YJU2: variants seen among roughly 807,000 people sequenced by gnomAD.
YJU2 encodes splicing factor YJU2.
In YJU2, 28 loss-of-function variants were observed where a neutral mutation model predicts 39.6. The observed-to-expected ratio is 0.71, with a 90% CI of 0.52 to 0.97. The LOEUF is 0.97. YJU2 is among the 50% of genes least tolerant of loss of function. The pLI is 0.00. For synonymous variants in YJU2, 184 were observed against 182.4 expected, an observed-to-expected ratio of 1.01 and a Z score of -0.07; for missense variants, 328 against 430.4, an observed-to-expected ratio of 0.76 and a Z score of 2.11.
chr19:4,264,119 G>A (rs540372435), intron 6 of YJU2, among the ~76,000 whole-genome samples: 45 of 151,376 alleles, frequency 3.0e-4, no homozygotes, highest in Admixed American at 4.6e-4. Flanking sequence ...AAAATTAGCC[G>A]GGCGTGGTGG....
chr19:4,264,261 CAAAAA>C (rs748910280), intron 6 of YJU2, among the ~76,000 whole-genome samples: 83 of 43,952 alleles, frequency 1.9e-3, no homozygotes, highest in African/African-American at 5.8e-3. Context: ...GACTCTGTCT[CAAAAA>C]AAAAAAAAAA....
chr19:4,256,425 A>G (rs535088865), intron 4 of YJU2, among the ~76,000 whole-genome samples: 18 of 151,928 alleles, frequency 1.2e-4, no homozygotes, highest in Non-Finnish European at 1.9e-4. Flanking sequence ...AGGGAGGGAA[A>G]TGAGCCTTGG....
chr19:4,251,100 G>T lies in YJU2; in HGVS notation c.199G>T (p.Val67Phe). 6.2e-7 allele frequency: 1 copy of T among 1,614,192 alleles called. No individual in the cohort carries two copies. Among genetic ancestry groups the T allele is most frequent in the African/African-American group, 1.3e-5 (1 of 75,058 alleles). ...TCGGAAGGAGACGGTGCAGAACGAG[G>T]TCTACCTGGGCCTGCCCATCTTCCG... ...NARKETVQNE[V>F]YLGLPIFRFY... The change falls in exon 3 of 8, where the codon GTC becomes TTC. Residue 67 changes from valine to phenylalanine, a missense_variant. Val to Phe is a conservative substitution (Grantham distance 50). Around this residue, in one of 2 missense-constraint regions of YJU2, gnomAD observed 84 missense variants for 165.8 expected, o/e 0.51. Coordinates refer to ENST00000262962, the MANE Select transcript of YJU2 (RefSeq NM_018074.6).
intron 6 of YJU2, among the ~76,000 whole-genome samples, chr19:4,264,451 G>T (rs1386950265): frequency 6.7e-6 from 1 of 149,644 alleles, no homozygotes; most frequent in Non-Finnish European, 1.5e-5. Context: ...GGGACCACAG[G>T]CACGCACCAC....
chr19:4,248,395 A>G (rs776156931), intron 1 of YJU2: 2 of 152,212 alleles, frequency 1.3e-5, no homozygotes, highest in Non-Finnish European at 2.9e-5. Flanking sequence ...ACTCTTGGAG[A>G]CAGAGGACAG....
Position 4,249,315 on chromosome 19 carries a change from C to A in YJU2, c.112C>A (p.Pro38Thr). The change falls in exon 2 of 8, where the codon CCC becomes ACC. Residue 38 changes from proline to threonine, a missense_variant. Physicochemically the swap from Pro to Thr is conservative, Grantham distance 38. Coordinates refer to ENST00000262962, the MANE Select transcript of YJU2 (RefSeq NM_018074.6). ...DRQYVVRLMAPFNMRCKTCGE... is the reference protein window; with the variant it reads ...DRQYVVRLMATFNMRCKTCGE... ...GCAGTACGTGGTGCGGCTGATGGCC[C>A]CCTTCAACATGAGGTGAGCACCCCC... The A allele has an allele frequency of 6.2e-7, 1 of 1,612,832 alleles. No individual in the cohort carries two copies. Among genetic ancestry groups the A allele is most frequent in the Non-Finnish European group, 8.5e-7 (1 of 1,179,102 alleles).
At chr19:4,251,296 A>C in intron 3 of YJU2, 125 bp downstream of exon 3, 1 of 979,774 alleles carries the variant, frequency 1.0e-6, no homozygotes, top group Non-Finnish European at 1.5e-6. Context: ...TATCCCCAAG[A>C]AACAGACAAC....
intron 3 of YJU2, 144 bp from the exon 4 acceptor site, chr19:4,254,211 C>T: frequency 2.8e-6 from 2 of 702,950 alleles, no homozygotes; most frequent in Non-Finnish European, 5.0e-6. Context: ...GAAATCTCAC[C>T]AGTCAAAGCA....
At chr19:4,267,591 C>T (rs768449679) in intron 6 of YJU2, 33 bp from the exon 7 acceptor site, 7 of 1,604,030 alleles carry the variant, frequency 4.4e-6, no homozygotes, top group Admixed American at 1.7e-5. Context: ...TGGATCCGGG[C>T]CAGACCCCCA....
In YJU2 at chr19:4,267,892, C is replaced by T. The variant is rs1422164089; in HGVS notation, c.859+118C>T. On this transcript the variant is annotated intron_variant, in intron 7 of 7. Transcript: ENST00000262962. Reference sequence around the variant, plus strand: ...GTGGGTGGGGGCGGCCTGCGACCCCCACAGGACCAATTAGTGGAGTGAGCA... The same window carrying T: ...GTGGGTGGGGGCGGCCTGCGACCCCTACAGGACCAATTAGTGGAGTGAGCA... The T allele has an allele frequency of 7.1e-6, 6 of 840,768 alleles. No homozygotes were observed. In the African/African-American group the frequency reaches 1.0e-4, roughly 14 times the overall value. 52.1% of individuals were successfully genotyped at this position (840,768 alleles called of 1,614,324 possible).
intron 5 of YJU2, among the ~76,000 whole-genome samples, chr19:4,259,992 G>A (rs1453694548): frequency 6.6e-6 from 1 of 152,098 alleles, no homozygotes; most frequent in Non-Finnish European, 1.5e-5. Flanking sequence ...CTTCATCATG[G>A]AGGGGACTGA....
intron 7 of YJU2, among the ~76,000 whole-genome samples, 160 bp downstream of exon 7, chr19:4,267,934 TC>T (rs1971130209): frequency 1.3e-5 from 2 of 151,728 alleles, no homozygotes; most frequent in Non-Finnish European, 2.9e-5. Flanking sequence ...GCAGGCGGCT[TC>T]TTTTTTTCTT....
intron 6 of YJU2, 117 bp from the exon 7 acceptor site, chr19:4,267,507 G>T: frequency 9.4e-7 from 1 of 1,069,194 alleles, no homozygotes; most frequent in Non-Finnish European, 1.4e-6. Context: ...GAGGAGGAAT[G>T]TGGTCAGTGC....
chr19:4,247,376 T>C (rs1198915966), intron 1 of YJU2: 2 of 544,318 alleles, frequency 3.7e-6, no homozygotes, highest in Non-Finnish European at 6.5e-6. Flanking sequence ...CCTTCTGGGC[T>C]GGGGTGTAGT....
intron 5 of YJU2, 25 bp downstream of exon 5, chr19:4,258,448 G>C (rs1264558829): frequency 1.3e-6 from 2 of 1,557,670 alleles, no homozygotes; most frequent in East Asian, 4.7e-5. Flanking sequence ...GCCCAACCCA[G>C]CCCCACCTCG....
chr19:4,267,218 G>A (rs1253548225), intron 6 of YJU2, among the ~76,000 whole-genome samples: 1 of 152,136 alleles, frequency 6.6e-6, no homozygotes, highest in Non-Finnish European at 1.5e-5. Flanking sequence ...GGCACTGTGA[G>A]CGTGGACATG....
rs1442624390 is a variant in YJU2, at chr19:4,262,095, C to T, written c.689C>T (p.Pro230Leu). Residue 230 changes from proline (P) to leucine (L), a missense_variant, in exon 6 of 8, where the codon CCC becomes CTC. Pro to Leu is a moderately conservative substitution (Grantham distance 98, BLOSUM62 -3). This residue lies in a region of YJU2 where 244 missense variants were observed against 264.6 expected (regional missense o/e 0.92). Transcript: ENST00000262962. ...CTGCAGCCAGCCCTTCGGCCCAACC[C>T]CACCGCCATCCTGGATGAGGTAAGT... Reference protein sequence around the residue: ...SPLQPALRPNPTAILDEAPKP... With the variant: ...SPLQPALRPNLTAILDEAPKP... 6.2e-6 allele frequency: 10 copies of T among 1,610,762 alleles called. No individual in the cohort carries two copies. Among genetic ancestry groups the T allele is most frequent in the Non-Finnish European group, 8.5e-6 (10 of 1,179,796 alleles).
intron 4 of YJU2, among the ~76,000 whole-genome samples, chr19:4,254,787 G>C (rs1401547714): frequency 6.6e-6 from 1 of 152,056 alleles, no homozygotes; most frequent in Non-Finnish European, 1.5e-5. Flanking sequence ...ACTGGGCGCA[G>C]TGGCTCACAC....
At chr19:4,253,589 TAAA>T (rs1568361174) in intron 3 of YJU2, among the ~76,000 whole-genome samples, 1 of 152,026 alleles carries the variant, frequency 6.6e-6, no homozygotes, top group African/African-American at 2.4e-5. Flanking sequence ...CCCAAAAAAA[TAAA>T]AAACATAGTG....
Sources: gnomAD v4.1 joint callset for allele counts (sites outside exome capture counted in the v4.1 genomes callset) on GRCh38, gnomAD v4.1.1 for gene constraint, gnomAD v4.1.1 regional missense constraint, MANE v1.5 for transcripts, NCBI Gene and HGNC (gene_info 2026-07-23, HGNC 2026-07-21) for gene names.